The following CTNND2 variants were observed in gnomAD, a reference collection of about 807,000 sequenced individuals.
CTNND2 encodes the protein catenin delta 2.
In CTNND2, 22 loss-of-function variants were observed where a neutral mutation model predicts 144.4. That is an observed-to-expected ratio of 0.15 (90% CI 0.11 to 0.22). The LOEUF (loss-of-function observed/expected upper bound fraction) is 0.22. CTNND2 is among the 10% of genes least tolerant of loss of function. The pLI is 1.00. For synonymous variants in CTNND2, 751 were observed against 695.6 expected, an observed-to-expected ratio of 1.08 and a Z score of -1.25; for missense variants, 1,353 against 1,618.8, an observed-to-expected ratio of 0.84 and a Z score of 2.82.
chr5:11,652,778 C>T (rs192345270), intron 2 of CTNND2, among the ~76,000 whole-genome samples: 74 of 152,202 alleles, frequency 4.9e-4, no homozygotes, highest in Admixed American at 3.7e-3. Flanking sequence ...TTCAAATATA[C>T]ATTATTAACT....
chr5:11,352,517 A>G (rs1480957438), intron 8 of CTNND2, among the ~76,000 whole-genome samples: 2 of 152,172 alleles, frequency 1.3e-5, no homozygotes, highest in African/African-American at 4.8e-5. Context: ...TCTACGTAAC[A>G]AACCTGCATG....
rs1744056580 is a variant in CTNND2 at position 11,036,291 on chromosome 5, A to T, written c.2789-13312T>A. Among the ~76,000 whole-genome samples the T allele has an allele frequency of 5.3e-5, 8 of 152,282 alleles. No individual in the cohort carries two copies. In the South Asian group the frequency reaches 1.7e-3, roughly 32 times the overall value. On this transcript the variant is annotated intron_variant, in intron 16 of 21. Coordinates refer to ENST00000304623, the MANE Select transcript of CTNND2 (RefSeq NM_001332.4). The stretch of plus-strand genomic sequence containing the variant: ...CTTCTTTAACCGTTTTATTATAAAT[A>T]TTATCATTCTGAGCCAAGCTGAAGT...
At chr5:11,422,826 T>C (rs1762477922) in intron 3 of CTNND2, among the ~76,000 whole-genome samples, 1 of 152,204 alleles carries the variant, frequency 6.6e-6, no homozygotes, top group Non-Finnish European at 1.5e-5. Context: ...TCAAAGTTCA[T>C]TGTACTTATA....
chr5:11,647,242 G>C (rs1466940848), intron 2 of CTNND2, among the ~76,000 whole-genome samples: 1 of 152,030 alleles, frequency 6.6e-6, no homozygotes, highest in African/African-American at 2.4e-5. Flanking sequence ...CAATTTTCTG[G>C]TCATTGCTAG....
intron 19 of CTNND2, among the ~76,000 whole-genome samples, chr5:10,991,710 G>GAAGTT (rs1235058788): frequency 6.6e-6 from 1 of 152,196 alleles, no homozygotes; most frequent in Non-Finnish European, 1.5e-5. Flanking sequence ...GAATGACATG[G>GAAGTT]AAGTTATAGT....
intron 2 of CTNND2, among the ~76,000 whole-genome samples, chr5:11,714,305 A>C (rs1231522300): frequency 6.6e-6 from 1 of 152,116 alleles, no homozygotes; most frequent in Non-Finnish European, 1.5e-5. Context: ...AGGGATAATG[A>C]CAATTTTTTT....
At chr5:11,070,962 A>AG (rs1748200454) in intron 16 of CTNND2, among the ~76,000 whole-genome samples, 2 of 147,780 alleles carry the variant, frequency 1.4e-5, no homozygotes, top group South Asian at 4.7e-4. Flanking sequence ...AGGAGTGCGT[A>AG]GGGGAGGGGA....
At chr5:11,205,677 G>C (rs1737969492) in intron 10 of CTNND2, among the ~76,000 whole-genome samples, 1 of 152,178 alleles carries the variant, frequency 6.6e-6, no homozygotes, top group African/African-American at 2.4e-5. Flanking sequence ...ACTGAGGTAA[G>C]TCCATGTAGT....
chr5:11,061,054 C>T (rs1039782819), intron 16 of CTNND2, among the ~76,000 whole-genome samples: 3 of 152,102 alleles, frequency 2.0e-5, no homozygotes, highest in Non-Finnish European at 2.9e-5. Flanking sequence ...TGGCATGTCC[C>T]CTTTCATGTC....
intron 5 of CTNND2, among the ~76,000 whole-genome samples, chr5:11,403,096 T>C (rs567356427): frequency 3.3e-5 from 5 of 152,310 alleles, no homozygotes; most frequent in African/African-American, 1.2e-4. Context: ...GCAGGTGTGT[T>C]ACATAGGTAT....
intron 2 of CTNND2, among the ~76,000 whole-genome samples, chr5:11,691,624 C>A (rs1581728056): frequency 1.3e-5 from 2 of 151,984 alleles, no homozygotes; most frequent in Admixed American, 6.6e-5. Context: ...AAGTAAGAAG[C>A]AAGTTGGGGT....
At chr5:11,715,080 T>TA (rs1236956120) in intron 2 of CTNND2, among the ~76,000 whole-genome samples, 1 of 152,152 alleles carries the variant, frequency 6.6e-6, no homozygotes, top group Admixed American at 6.5e-5. Flanking sequence ...GTTTCTGTCT[T>TA]AGAGTGAATT....
At chr5:11,114,804 C>G (rs536198765) in intron 13 of CTNND2, among the ~76,000 whole-genome samples, 2 of 152,252 alleles carry the variant, frequency 1.3e-5, no homozygotes, top group Admixed American at 6.5e-5. Flanking sequence ...AGAAGGTGTA[C>G]TCATTCAAAC....
chr5:11,408,974 C>A (rs1038464712), intron 5 of CTNND2, among the ~76,000 whole-genome samples: 2 of 151,956 alleles, frequency 1.3e-5, no homozygotes, highest in Non-Finnish European at 2.9e-5. Flanking sequence ...ATGCATCTTA[C>A]TAGTTTCTTG....
chr5:11,007,602 C>T (rs890683521), intron 18 of CTNND2, among the ~76,000 whole-genome samples: 5 of 152,256 alleles, frequency 3.3e-5, no homozygotes, highest in African/African-American at 1.2e-4. Context: ...AGTCTGAAAA[C>T]GTACAGTTCT....
chr5:11,182,694 G>A (rs1253965680), intron 11 of CTNND2, among the ~76,000 whole-genome samples: 1 of 152,202 alleles, frequency 6.6e-6, no homozygotes, highest in African/African-American at 2.4e-5. Flanking sequence ...AACAGTCAAT[G>A]GGGAGAAGCA....
At chr5:10,978,290 C>T (rs953645350) in intron 21 of CTNND2, among the ~76,000 whole-genome samples, 1 of 152,158 alleles carries the variant, frequency 6.6e-6, no homozygotes, top group African/African-American at 2.4e-5. Flanking sequence ...TTTATGAGTC[C>T]TCTCTAGGAC....
chr5:11,427,919 C>T (rs1561377420), intron 3 of CTNND2, among the ~76,000 whole-genome samples: 1 of 152,186 alleles, frequency 6.6e-6, no homozygotes, highest in Non-Finnish European at 1.5e-5. Flanking sequence ...ATTGGACTCA[C>T]AGTTCCACAT....
At chr5:11,676,690 TATC>T (rs1274703998) in intron 2 of CTNND2, among the ~76,000 whole-genome samples, 6 of 152,184 alleles carry the variant, frequency 3.9e-5, no homozygotes, top group Non-Finnish European at 8.8e-5. Context: ...TGATACATGT[TATC>T]ATTCCTTTAT....
Sources: allele counts gnomAD v4.1 joint callset (sites outside exome capture counted in the v4.1 genomes callset), GRCh38; gene constraint gnomAD v4.1.1; transcripts MANE v1.5; gene names NCBI Gene and HGNC (gene_info 2026-07-23, HGNC 2026-07-21).